CEP72: variants seen among roughly 807,000 people sequenced by gnomAD.
CEP72 encodes the protein centrosomal protein of 72 kDa.
In CEP72, 78 loss-of-function variants were observed where a neutral mutation model predicts 65.7. The ratio of observed to expected loss-of-function variants is 1.19; its 90% CI spans 0.99 to 1.43. The LOEUF (loss-of-function observed/expected upper bound fraction) is 1.43, where lower values mean the gene tolerates loss of function less well. Among genes scored for constraint, CEP72 ranks in the 40% most tolerant of loss-of-function variants. The pLI is 0.00. For synonymous variants in CEP72, 358 were observed against 351.7 expected, an observed-to-expected ratio of 1.02 and a Z score of -0.20; for missense variants, 914 against 832.9, an observed-to-expected ratio of 1.10 and a Z score of -1.20.
downstream of CEP72, among the ~76,000 whole-genome samples, chr5:653,777 T>G (rs1244224834): frequency 6.6e-6 from 1 of 152,248 alleles, no homozygotes; most frequent in Non-Finnish European, 1.5e-5. Context: ...GCTCTCTTGT[T>G]TGCAGTGTAG....
chr5:658,374 C>T (rs536279037), downstream of CEP72, among the ~76,000 whole-genome samples: 1 of 152,348 alleles, frequency 6.6e-6, no homozygotes, highest in African/African-American at 2.4e-5. Flanking sequence ...TGTTCAGGGG[C>T]ATTCCTCACC....
intron 11 of CEP72, among the ~76,000 whole-genome samples, chr5:651,498 G>A (rs112146393): frequency 6.6e-6 from 1 of 151,952 alleles, no homozygotes; most frequent in Non-Finnish European, 1.5e-5. Context: ...TCCCCTGGGC[G>A]GTAGTCCGGC....
Position 612,389 on chromosome 5 carries a change from C to A in CEP72, c.28C>A (p.Leu10Met). The change falls in exon 1 of 12, where the codon CTG (leucine) becomes ATG (methionine). Residue 10 changes from leucine (L) to methionine (M), a missense_variant. Leu to Met is a conservative substitution (Grantham distance 15, BLOSUM62 2). Coordinates refer to ENST00000264935, the MANE Select transcript of CEP72 (RefSeq NM_018140.4). MARAGPRLV[L>M]SEEAVRAKSG... is the part of the protein sequence containing the mutation. Reference sequence around the variant, plus strand: ...GGCGCGGGCTGGCCCTCGGCTGGTGCTGAGCGAGGAGGCGGTTCGGGCGAA... The same window carrying A: ...GGCGCGGGCTGGCCCTCGGCTGGTGATGAGCGAGGAGGCGGTTCGGGCGAA... 1 of 1,491,452 alleles carries A rather than the reference C, an allele frequency of 6.7e-7. No homozygotes were observed. Among genetic ancestry groups the A allele is most frequent in the Admixed American group, 2.2e-5 (1 of 45,458 alleles). The allele number at this position is 1,491,452 out of a possible 1,614,324, so 92.4% of individuals were successfully genotyped here.
At chr5:647,264 G>T (rs911381647) in intron 10 of CEP72, among the ~76,000 whole-genome samples, 5 of 152,180 alleles carry the variant, frequency 3.3e-5, no homozygotes, top group African/African-American at 1.2e-4. Flanking sequence ...GTTTGGATTT[G>T]GGGAGCCACT....
intron 10 of CEP72, among the ~76,000 whole-genome samples, chr5:644,707 G>A (rs1313170564): frequency 1.3e-5 from 2 of 152,310 alleles, no homozygotes; most frequent in South Asian, 2.1e-4. Context: ...GGGTGTCAGG[G>A]CTGCAGCTGC....
rs1012289123 is a variant in CEP72, at chr5:628,949, A to T, written c.512+4370A>T. On this transcript the variant is annotated intron_variant, in intron 4 of 11. Coordinates refer to ENST00000264935, the MANE Select transcript of CEP72 (RefSeq NM_018140.4). ...CTTTGTGCAGCGTTCTGGAGAACTC[A>T]GGTCACAGGCCCCGGGGAGTGTTCC... 1.9e-4 allele frequency among the ~76,000 whole-genome samples: 27 copies of T among 140,056 alleles called. 2 individuals carry two copies. The highest frequency in any genetic ancestry group is 8.0e-4 in the African/African-American group (26 of 32,540). 91.9% of individuals were successfully genotyped at this position (140,056 alleles called of 152,430 possible).
chr5:668,840 C>T (rs536630239), downstream of CEP72, among the ~76,000 whole-genome samples: 9 of 152,364 alleles, frequency 5.9e-5, no homozygotes, highest in South Asian at 1.4e-3. Context: ...ACAGCACCCC[C>T]ACCCCTCGAG....
Position 643,413 on chromosome 5 carries a change from G to T in CEP72, c.1540-886G>T. 3 of 985,480 alleles carry T rather than the reference G, an allele frequency of 3.0e-6. 1 individual carries two copies. The South Asian group carries it at 1.4e-4, about 46-fold the overall frequency. The allele number at this position is 985,480 out of a possible 1,614,324, so 61.0% of individuals were successfully genotyped here. A position where few individuals can be genotyped will look rare whatever the true frequency, so the allele number is the denominator to read the frequency against. On this transcript the variant is annotated intron_variant, in intron 9 of 11. Transcript: ENST00000264935. ...CGAAATGAAGAACGGGCCAAGATAA[G>T]CCTGAGGGGAATGGTCTCAGACCCA...
chr5:639,879 C>T (rs1305408593), intron 8 of CEP72, among the ~76,000 whole-genome samples: 2 of 152,244 alleles, frequency 1.3e-5, no homozygotes, highest in Non-Finnish European at 2.9e-5. Context: ...AGCTGTCTGA[C>T]TGCGCCTTGC....
At chr5:654,274 C>T (rs1047559743), downstream of CEP72, among the ~76,000 whole-genome samples, 10 of 139,894 alleles carry the variant, frequency 7.1e-5, no homozygotes, top group East Asian at 2.1e-4. Flanking sequence ...TGTGCTTGTG[C>T]GCTTGCTGTG....
At chr5:622,618 G>A (rs1736463593) in intron 3 of CEP72, among the ~76,000 whole-genome samples, 1 of 152,246 alleles carries the variant, frequency 6.6e-6, no homozygotes, top group African/African-American at 2.4e-5. Context: ...ATAGAGCTCT[G>A]TGCTGCAGCT....
Position 624,687 on chromosome 5 carries a change from C to A in CEP72, c.512+108C>A. ...GTGCCGGTCACTCTCCAGGGGCGGA[C>A]ACCAGGAGGGAGGAAGGGCAGAGCC... On this transcript the variant is annotated intron_variant, in intron 4 of 11. Coordinates refer to ENST00000264935, the MANE Select transcript of CEP72 (RefSeq NM_018140.4). This position sits in a 1 kb window ranked among gnomAD's most constrained non-coding sequence, Gnocchi z 4.7. 1 of 817,270 alleles carries A rather than the reference C, an allele frequency of 1.2e-6. No individual in the cohort carries two copies. The highest frequency in any genetic ancestry group is 2.1e-6 in the Non-Finnish European group (1 of 480,140). 50.6% of individuals were successfully genotyped at this position (817,270 alleles called of 1,614,324 possible).
rs780646746 is a variant in CEP72 at position 624,420 on chromosome 5, A to G, written c.404-51A>G. On this transcript the variant is annotated intron_variant, in intron 3 of 11. Transcript: ENST00000264935. This position sits in a 1 kb window ranked among gnomAD's most constrained non-coding sequence, Gnocchi z 4.7. Reference sequence around the variant, plus strand: ...CGTGTAGATGCCCCAGGGTGGATGCAGCCGCCCGCCGCTTGCCACCTGCAC... The same window carrying G: ...CGTGTAGATGCCCCAGGGTGGATGCGGCCGCCCGCCGCTTGCCACCTGCAC... 2 of 1,393,680 alleles carry G rather than the reference A, an allele frequency of 1.4e-6. No individual in the cohort carries two copies. The highest frequency in any genetic ancestry group is 1.4e-5 in the African/African-American group (1 of 70,112). The allele number at this position is 1,393,680 out of a possible 1,614,324, so 86.3% of individuals were successfully genotyped here.
chr5:652,828 C>G (rs915125382), intron 11 of CEP72, among the ~76,000 whole-genome samples, 160 bp from the exon 12 acceptor site: 1 of 152,216 alleles, frequency 6.6e-6, no homozygotes, highest in African/African-American at 2.4e-5. Flanking sequence ...GGGCGGTAGC[C>G]AGTGGGACAC....
At chr5:620,550 A>G (rs1178674710) in intron 3 of CEP72, among the ~76,000 whole-genome samples, 1 of 152,154 alleles carries the variant, frequency 6.6e-6, no homozygotes, top group Non-Finnish European at 1.5e-5. Context: ...TCTCCGCGTC[A>G]TGGCTGTTGG....
In CEP72 at chr5:641,132, G is replaced by A. The variant is rs897697004; in HGVS notation, c.1539+528G>A. 5.1e-6 allele frequency: 5 copies of A among 984,936 alleles called. No individual in the cohort carries two copies. The East Asian group carries it at 4.5e-4, about 89-fold the overall frequency. 61.0% of individuals were successfully genotyped at this position (984,936 alleles called of 1,614,324 possible). On this transcript the variant is annotated intron_variant, in intron 9 of 11. Transcript: ENST00000264935. ...CCTTCCGTCTCAGCCGTGGGCCGGG[G>A]CCGCCGTCTCATCTGAGGCCTCATG... is the stretch of plus-strand genomic sequence containing the variant.
chr5:658,482 C>G (rs1739443701), downstream of CEP72, among the ~76,000 whole-genome samples: 1 of 152,182 alleles, frequency 6.6e-6, no homozygotes, highest in Non-Finnish European at 1.5e-5. Context: ...TGAACTTTCT[C>G]TTCAGTCCTT....
chr5:640,655 G>T, intron 9 of CEP72, 51 bp downstream of exon 9: 1 of 1,546,742 alleles, frequency 6.5e-7, no homozygotes. Context: ...GGGGAAACAT[G>T]GCTCTGACTT....
chr5:634,537 G>A (rs930793691), intron 5 of CEP72, among the ~76,000 whole-genome samples: 14 of 152,222 alleles, frequency 9.2e-5, no homozygotes, highest in Non-Finnish European at 1.9e-4. Context: ...CTGTGGCAGC[G>A]GTGCTCGAGC....
Sources: gnomAD v4.1 joint callset for allele counts (sites outside exome capture counted in the v4.1 genomes callset) on GRCh38, gnomAD v4.1.1 for gene constraint, Gnocchi (gnomAD v3.1) non-coding constraint, MANE v1.5 for transcripts, NCBI Gene and HGNC (gene_info 2026-07-23, HGNC 2026-07-21) for gene names.